Variants in IGF1 observed in about 807,000 individuals in gnomAD.
The protein encoded by IGF1 is insulin like growth factor 1.
Under a neutral mutation model 13.8 loss-of-function variants are expected in IGF1, and 4 were observed. The ratio of observed to expected loss-of-function variants is 0.29; its 90% CI spans 0.14 to 0.66. The LOEUF (loss-of-function observed/expected upper bound fraction) is 0.66, where lower values mean the gene tolerates loss of function less well. Among genes scored for constraint, IGF1 ranks in the 30% least tolerant of loss-of-function variants. The pLI is 0.78. For missense variants in IGF1, 124 were observed against 188.5 expected (o/e 0.66, Z 2.00); for synonymous variants, 76 against 72.6 (o/e 1.05, Z -0.23).
Position 102,446,226 on chromosome 12 carries a change from G to A in IGF1, c.221-26536C>T, listed in dbSNP as rs568389941. On this transcript the variant is annotated intron_variant, in intron 2 of 3. Transcript: ENST00000337514. Reference sequence around the variant, plus strand: ...TGCCAAGTTATGGTGTCAGGATGATGCTGACCTCATTAAATGAGTTAGGGA... The same window carrying A: ...TGCCAAGTTATGGTGTCAGGATGATACTGACCTCATTAAATGAGTTAGGGA... Among the ~76,000 whole-genome samples, 3 of 152,282 alleles carry A rather than the reference G, an allele frequency of 2.0e-5. No individual in the cohort carries two copies. In the East Asian group the frequency reaches 5.8e-4, roughly 29 times the overall value.
chr12:102,466,905 CAAAA>C, intron 2 of IGF1, among the ~76,000 whole-genome samples: 1 of 151,678 alleles, frequency 6.6e-6, no homozygotes, highest in South Asian at 2.1e-4. Flanking sequence ...GACCCTGTCT[CAAAA>C]AAACAAAAAC....
At chr12:102,469,457 C>T (rs1880554577) in intron 2 of IGF1, among the ~76,000 whole-genome samples, 1 of 152,168 alleles carries the variant, frequency 6.6e-6, no homozygotes, top group African/African-American at 2.4e-5. Flanking sequence ...TGTCTGAATT[C>T]AGTCTGTGAA....
chr12:102,442,536 C>T (rs1309352731), intron 2 of IGF1, among the ~76,000 whole-genome samples: 3 of 152,098 alleles, frequency 2.0e-5, no homozygotes, highest in African/African-American at 4.8e-5. Flanking sequence ...TTAAAAACCC[C>T]ACTACCTCAA....
chr12:102,407,544 G>A (rs1448825313), intron 3 of IGF1, among the ~76,000 whole-genome samples: 1 of 152,194 alleles, frequency 6.6e-6, no homozygotes, highest in East Asian at 1.9e-4. Context: ...AGATGTAATA[G>A]TGGTTGGAAT....
Position 102,422,381 on chromosome 12 carries a change from G to A in IGF1, c.221-2691C>T, listed in dbSNP as rs971263058. 5.9e-5 allele frequency among the ~76,000 whole-genome samples: 9 copies of A among 152,058 alleles called. No homozygotes were observed. In the East Asian group the frequency reaches 1.7e-3, roughly 29 times the overall value. ...CAATGGACTCATTGTACGTCATTGG[G>A]AATATATGAATATAACAAGTGTTTA... On this transcript the variant is annotated intron_variant, in intron 2 of 3. Transcript: ENST00000337514.
At chr12:102,403,573 C>T (rs1367019533) in intron 3 of IGF1, among the ~76,000 whole-genome samples, 4 of 151,200 alleles carry the variant, frequency 2.6e-5, no homozygotes, top group Non-Finnish European at 5.9e-5. Context: ...CCTCCTGCCT[C>T]AGCCTCCTAA....
intron 1 of IGF1, among the ~76,000 whole-genome samples, chr12:102,479,415 AAC>A (rs1267971083): frequency 6.6e-6 from 1 of 152,238 alleles, no homozygotes; most frequent in Non-Finnish European, 1.5e-5. Context: ...TTGAAAAAAA[AAC>A]ACAAGTCTTG....
Position 102,402,287 on chromosome 12 carries a change from A to T in IGF1, c.*220T>A. Reference sequence around the variant, plus strand: ...ATAGAACATTATTGATAAAAGATCAACAGCAATCTACCAACTCCAGGACCA... The same window carrying T: ...ATAGAACATTATTGATAAAAGATCATCAGCAATCTACCAACTCCAGGACCA... On this transcript the variant is annotated 3_prime_UTR_variant, in exon 4 of 4. Coordinates refer to ENST00000337514, the MANE Select transcript of IGF1 (RefSeq NM_000618.5). The T allele has an allele frequency of 1.9e-6, 1 of 524,996 alleles. No homozygotes were observed. Among genetic ancestry groups the T allele is most frequent in the Admixed American group, 3.2e-5 (1 of 30,802 alleles). 32.5% of individuals were successfully genotyped at this position (524,996 alleles called of 1,614,324 possible). A position where few individuals can be genotyped will look rare whatever the true frequency, so the allele number is the denominator to read the frequency against.
At chr12:102,456,203 T>G (rs1022163969) in intron 2 of IGF1, among the ~76,000 whole-genome samples, 1 of 149,726 alleles carries the variant, frequency 6.7e-6, no homozygotes, top group Non-Finnish European at 1.5e-5. Context: ...ACTTATTCAA[T>G]TTTTTCCATT....
chr12:102,472,694 T>C (rs995572258), intron 2 of IGF1, among the ~76,000 whole-genome samples: 7 of 152,278 alleles, frequency 4.6e-5, no homozygotes, highest in Middle Eastern at 3.4e-3. Context: ...TCAAAGACTA[T>C]GTGCTTAGAG....
chr12:102,478,426 C>T, intron 1 of IGF1: 1 of 1,184,738 alleles, frequency 8.4e-7, no homozygotes, highest in Admixed American at 2.1e-5. Flanking sequence ...TTCCAGATGT[C>T]TGGGCCACAA....
chr12:102,452,625 A>C (rs994509075), intron 2 of IGF1, among the ~76,000 whole-genome samples: 1 of 152,236 alleles, frequency 6.6e-6, no homozygotes, highest in African/African-American at 2.4e-5. Flanking sequence ...TCCAGAAGGC[A>C]TGGTGCTCCT....
chr12:102,402,312 A>G lies in IGF1; in HGVS notation c.*195T>C, dbSNP rs980869244. On this transcript the variant is annotated 3_prime_UTR_variant, in exon 4 of 4. Coordinates refer to ENST00000337514, the MANE Select transcript of IGF1 (RefSeq NM_000618.5). ...ACAGCAATCTACCAACTCCAGGACC[A>G]TTTTTGCAAGGTGCAAATCACTCCT... is the stretch of plus-strand genomic sequence containing the variant. 1 of 612,362 alleles carries G rather than the reference A, an allele frequency of 1.6e-6. No individual in the cohort carries two copies. Among genetic ancestry groups the G allele is most frequent in the Non-Finnish European group, 2.9e-6 (1 of 339,198 alleles). 37.9% of individuals were successfully genotyped at this position (612,362 alleles called of 1,614,324 possible). A position where few individuals can be genotyped will look rare whatever the true frequency, so the allele number is the denominator to read the frequency against.
intron 2 of IGF1, among the ~76,000 whole-genome samples, chr12:102,444,131 T>G (rs1460269507): frequency 6.6e-6 from 1 of 151,888 alleles, no homozygotes; most frequent in African/African-American, 2.4e-5. Context: ...CCGGCTGAAG[T>G]GCTCATAATT....
intron 2 of IGF1, 84 bp downstream of exon 2, chr12:102,475,559 T>C: frequency 6.7e-7 from 1 of 1,490,624 alleles, no homozygotes; most frequent in South Asian, 1.1e-5. Context: ...CTCATTCAGT[T>C]ATTCACACAC....
upstream of IGF1, chr12:102,480,643 T>TTC: frequency 3.0e-6 from 4 of 1,325,880 alleles, no homozygotes; most frequent in Non-Finnish European, 3.9e-6. Context: ...AACATTTGCC[T>TTC]TCTCTCTCTC....
At chr12:102,426,933 T>G (rs1263725042) in intron 2 of IGF1, among the ~76,000 whole-genome samples, 1 of 152,218 alleles carries the variant, frequency 6.6e-6, no homozygotes, top group Admixed American at 6.5e-5. Flanking sequence ...TTTTATTCAC[T>G]GATGTACTTT....
intron 2 of IGF1, among the ~76,000 whole-genome samples, chr12:102,441,918 T>C (rs12809983): frequency 1.2e-5 from 1 of 83,066 alleles, no homozygotes; most frequent in African/African-American, 4.8e-5. Context: ...TTCTTCTCCT[T>C]CTTCTTCTTC....
chr12:102,476,728 C>T (rs1211201199), intron 1 of IGF1, among the ~76,000 whole-genome samples: 1 of 152,108 alleles, frequency 6.6e-6, no homozygotes, highest in Admixed American at 6.5e-5. Flanking sequence ...GTCACTGTAT[C>T]TATTTTATAG....
Sources: gnomAD v4.1 joint callset for allele counts (sites outside exome capture counted in the v4.1 genomes callset) on GRCh38, gnomAD v4.1.1 for gene constraint, MANE v1.5 for transcripts, NCBI Gene and HGNC (gene_info 2026-07-23, HGNC 2026-07-21) for gene names.